The following CCDC6 variants were observed in gnomAD, a reference collection of about 807,000 sequenced individuals.
CCDC6 encodes the protein coiled-coil domain containing 6, also known as coiled-coil domain-containing protein 6.
In CCDC6, 20 loss-of-function variants were observed where a neutral mutation model predicts 56.6. The ratio of observed to expected loss-of-function variants is 0.35; its 90% confidence interval spans 0.25 to 0.51. The LOEUF is 0.51. CCDC6 is among the 20% of genes least tolerant of loss of function. The pLI, the probability that CCDC6 is intolerant of heterozygous loss-of-function variation, is 0.95. For missense variants in CCDC6, 367 were observed against 601.1 expected, an observed-to-expected ratio of 0.61 and a Z score of 4.07; for synonymous variants, 241 against 234.4, an observed-to-expected ratio of 1.03 and a Z score of -0.26.
intron 7 of CCDC6, 134 bp from the exon 8 acceptor site, chr10:59,794,731 C>T (rs1426442847): frequency 8.7e-6 from 6 of 686,018 alleles, no homozygotes; most frequent in Non-Finnish European, 1.5e-5. Context: ...ATGATGGGCT[C>T]ACTAAATGGT....
intron 7 of CCDC6, among the ~76,000 whole-genome samples, chr10:59,797,876 G>A (rs902245543): frequency 3.9e-5 from 6 of 152,036 alleles, no homozygotes; most frequent in Admixed American, 2.6e-4. Flanking sequence ...TAGGAGTCCA[G>A]GATCATCTCC....
At chr10:59,880,214 C>T (rs925183232) in intron 1 of CCDC6, among the ~76,000 whole-genome samples, 1 of 151,954 alleles carries the variant, frequency 6.6e-6, no homozygotes, top group Non-Finnish European at 1.5e-5. Flanking sequence ...TGGCAGACCA[C>T]GATGACACCG....
chr10:59,795,989 C>T (rs1041533809), intron 7 of CCDC6, among the ~76,000 whole-genome samples: 4 of 152,106 alleles, frequency 2.6e-5, no homozygotes, highest in Admixed American at 6.5e-5. Flanking sequence ...TGGGTATATA[C>T]CCAGTAATGG....
At chr10:59,817,019 G>T (rs1156254197) in intron 3 of CCDC6, among the ~76,000 whole-genome samples, 1 of 152,206 alleles carries the variant, frequency 6.6e-6, no homozygotes, top group Non-Finnish European at 1.5e-5. Flanking sequence ...GTGCCGCAAA[G>T]TTGGGACCCC....
chr10:59,876,589 GAAA>G (rs10714988), intron 1 of CCDC6, among the ~76,000 whole-genome samples: 3,017 of 101,626 alleles, frequency 0.03, 45 homozygotes, highest in African/African-American at 0.055. Flanking sequence ...TGTTAAGGGG[GAAA>G]AAAAAAAAAA....
rs2137904 is a variant in CCDC6, at chr10:59,809,688, T to C, written c.848-2610A>G. ...GGTCTACAGCCATCTCCCAATATAGTAGGCCCTCACTTAACATCATCCACA... is the reference window on the plus strand; with the variant it reads ...GGTCTACAGCCATCTCCCAATATAGCAGGCCCTCACTTAACATCATCCACA... On this transcript the variant is annotated intron_variant, in intron 5 of 8. Transcript: ENST00000263102. 2.9e-3 allele frequency among the ~76,000 whole-genome samples: 442 copies of C among 152,296 alleles called. 18 individuals carry two copies. Among genetic ancestry groups the C allele is most frequent in the Admixed American group, 0.026 (405 of 15,292 alleles).
rs146237484 is a variant in CCDC6 at position 59,862,501 on chromosome 10, G to GTATATATATATATATATATATATA, written c.304-9800_304-9799insTATATATATATATATATATATATA. Among the ~76,000 whole-genome samples the GTATATATATATATATATATATATA allele has an allele frequency of 2.4e-4, 20 of 85,030 alleles. 2 individuals carry two copies. The highest frequency in any genetic ancestry group is 0.011 in the Middle Eastern group (2 of 176). The allele number at this position is 85,030 out of a possible 152,430, so 55.8% of individuals were successfully genotyped here. A position where few individuals can be genotyped will look rare whatever the true frequency, so the allele number is the denominator to read the frequency against. ...AGGTTCTGTCTCAAGAAAAAAAAAAGTATATATATATATATACACACACAC... is the reference window on the plus strand; with the variant it reads ...AGGTTCTGTCTCAAGAAAAAAAAAAGTATATATATATATATATATATATATATATATATATATATACACACACAC... On this transcript the variant is annotated intron_variant, in intron 1 of 8. Coordinates refer to ENST00000263102, the MANE Select transcript of CCDC6 (RefSeq NM_005436.5).
At chr10:59,874,000 A>G (rs1024562208) in intron 1 of CCDC6, among the ~76,000 whole-genome samples, 11 of 152,194 alleles carry the variant, frequency 7.2e-5, no homozygotes, top group Non-Finnish European at 1.3e-4. Flanking sequence ...CAAATGCTGC[A>G]AAATCAACCA....
At chr10:59,850,525 G>A (rs959537344) in intron 2 of CCDC6, among the ~76,000 whole-genome samples, 4 of 152,066 alleles carry the variant, frequency 2.6e-5, no homozygotes, top group East Asian at 1.9e-4. Flanking sequence ...TTCATACTAC[G>A]CCCTTTCTTT....
chr10:59,837,282 C>CTGGAT (rs2070890856), intron 2 of CCDC6, among the ~76,000 whole-genome samples: 2 of 152,200 alleles, frequency 1.3e-5, no homozygotes, highest in African/African-American at 4.8e-5. Flanking sequence ...TGCATGTGCA[C>CTGGAT]GCTGGATGCT....
At chr10:59,891,352 G>A (rs546706955) in intron 1 of CCDC6, among the ~76,000 whole-genome samples, 35 of 152,238 alleles carry the variant, frequency 2.3e-4, no homozygotes, top group East Asian at 1.4e-3. Context: ...CAGCCTAATA[G>A]AGAATGCTAA....
intron 7 of CCDC6, among the ~76,000 whole-genome samples, chr10:59,801,936 A>G (rs1245381705): frequency 6.6e-6 from 1 of 152,134 alleles, no homozygotes; most frequent in African/African-American, 2.4e-5. Context: ...TCAGTGCCCC[A>G]GCTCTAGAAA....
At position 59,852,717 on chromosome 10, in the gene CCDC6, A is replaced by C. The variant is rs539025691; in HGVS notation, c.304-15T>G. 1 of 1,528,732 alleles carries C rather than the reference A, an allele frequency of 6.5e-7. No homozygotes were observed. Among genetic ancestry groups the C allele is most frequent in the Admixed American group, 2.4e-5 (1 of 41,622 alleles). 94.7% of individuals were successfully genotyped at this position (1,528,732 alleles called of 1,614,324 possible). A position where few individuals can be genotyped will look rare whatever the true frequency, so the allele number is the denominator to read the frequency against. Reference sequence around the variant, plus strand: ...GCCCTGGCTTGCTGTTTAAAAAAAAAAAAGGAAAGAACAAAACAAAACACA... The same window carrying C: ...GCCCTGGCTTGCTGTTTAAAAAAAACAAAGGAAAGAACAAAACAAAACACA... On this transcript the variant is annotated splice_polypyrimidine_tract_variant and intron_variant, in intron 1 of 8. Transcript: ENST00000263102.
intron 3 of CCDC6, among the ~76,000 whole-genome samples, chr10:59,817,105 T>C (rs999870018): frequency 1.3e-5 from 2 of 152,240 alleles, no homozygotes; most frequent in Non-Finnish European, 2.9e-5. Context: ...GGGACCCTTA[T>C]ATGACTCCTA....
chr10:59,794,232 T>C (rs2070493781), intron 8 of CCDC6, among the ~76,000 whole-genome samples: 1 of 152,220 alleles, frequency 6.6e-6, no homozygotes, highest in Non-Finnish European at 1.5e-5. Flanking sequence ...GTTCAAATTA[T>C]ATTTCACAAA....
intron 2 of CCDC6, among the ~76,000 whole-genome samples, chr10:59,846,431 T>C (rs766193844): frequency 6.6e-6 from 1 of 152,198 alleles, no homozygotes. Context: ...CACAACTTCC[T>C]TCCTGTCCTC....
chr10:59,822,391 A>G (rs1564742056), intron 3 of CCDC6, among the ~76,000 whole-genome samples: 1 of 147,624 alleles, frequency 6.8e-6, no homozygotes, highest in Non-Finnish European at 1.5e-5. Context: ...CATCAACATA[A>G]TATTACAGAA....
At position 59,906,498 on chromosome 10, in the gene CCDC6, TGG is replaced by T; in HGVS notation, c.-76_-75del. ...CGACGAAGGCCGGGCTGCGAATGAGTGGGCGCCGGGCGAGCACAGGGGAGCGC... is the reference window on the plus strand; with the variant it reads ...CGACGAAGGCCGGGCTGCGAATGAGTGCGCCGGGCGAGCACAGGGGAGCGC... On this transcript the variant is annotated 5_prime_UTR_variant, in exon 1 of 9. Transcript: ENST00000263102. 7.7e-7 allele frequency: 1 copy of T among 1,306,548 alleles called. No individual in the cohort carries two copies. The highest frequency in any genetic ancestry group is 1.0e-6 in the Non-Finnish European group (1 of 999,580). The allele number at this position is 1,306,548 out of a possible 1,614,324, so 80.9% of individuals were successfully genotyped here.
intron 3 of CCDC6, among the ~76,000 whole-genome samples, chr10:59,827,288 T>C (rs76067466): frequency 0.012 from 1,874 of 152,322 alleles, 14 homozygotes; most frequent in Middle Eastern, 0.017. Context: ...CAATGAAATA[T>C]GATTAAATAG....
Sources: allele counts gnomAD v4.1 joint callset (sites outside exome capture counted in the v4.1 genomes callset), GRCh38; gene constraint gnomAD v4.1.1; transcripts MANE v1.5; gene names NCBI Gene and HGNC (gene_info 2026-07-23, HGNC 2026-07-21).